TENM2: variants seen among roughly 807,000 people sequenced by gnomAD.
TENM2 encodes the protein teneurin transmembrane protein 2, also known as teneurin-2.
Under a neutral mutation model 245.2 loss-of-function variants are expected in TENM2, and 52 were observed. That is an observed-to-expected ratio of 0.21 (90% CI 0.17 to 0.27). The LOEUF is 0.27. TENM2 is among the 10% of genes least tolerant of loss of function. The pLI is 1.00. For synonymous variants in TENM2, 1,363 were observed against 1,438.9 expected (o/e 0.95, Z 1.19); for missense variants, 3,046 against 3,666.8 (o/e 0.83, Z 4.37).
chr5:167,704,420 C>G (rs1758366806), intron 2 of TENM2, among the ~76,000 whole-genome samples: 1 of 152,146 alleles, frequency 6.6e-6, no homozygotes, highest in South Asian at 2.1e-4. Flanking sequence ...TCATTTAATA[C>G]AAACGCGTAA....
At chr5:167,598,010 C>T (rs1776342813) in intron 2 of TENM2, among the ~76,000 whole-genome samples, 1 of 152,200 alleles carries the variant, frequency 6.6e-6, no homozygotes, top group Non-Finnish European at 1.5e-5. Context: ...CACCCACATT[C>T]CATGAGTTTA....
intron 3 of TENM2, among the ~76,000 whole-genome samples, chr5:167,939,378 G>A (rs1180649555): frequency 1.3e-5 from 2 of 152,144 alleles, no homozygotes; most frequent in African/African-American, 2.4e-5. Flanking sequence ...GCAGTAATGC[G>A]TGTTCACCCT....
At chr5:167,914,526 G>C (rs1362509315) in intron 3 of TENM2, among the ~76,000 whole-genome samples, 3 of 152,136 alleles carry the variant, frequency 2.0e-5, no homozygotes, top group Admixed American at 6.5e-5. Context: ...CTCAACGTCA[G>C]CTGATTGGTC....
chr5:167,872,548 G>GAAAGAAAGAAAGAGAAAGAA (rs1313191288), intron 2 of TENM2, among the ~76,000 whole-genome samples: 16 of 65,460 alleles, frequency 2.4e-4, no homozygotes, highest in Admixed American at 5.5e-4. Flanking sequence ...AAGAAAGAAA[G>GAAAGAAAGAAAGAGAAAGAA]AGAAAGAAAG....
chr5:168,026,847 A>T (rs575095976), intron 5 of TENM2, among the ~76,000 whole-genome samples: 1 of 152,282 alleles, frequency 6.6e-6, no homozygotes, highest in Admixed American at 6.5e-5. Context: ...CACCACAGTG[A>T]ACCAAACAAA....
At chr5:167,509,234 C>A (rs571419870) in intron 2 of TENM2, among the ~76,000 whole-genome samples, 1 of 152,296 alleles carries the variant, frequency 6.6e-6, no homozygotes, top group East Asian at 1.9e-4. Flanking sequence ...GTGTAAGCTC[C>A]ATTGACTGTA....
At chr5:167,376,942 C>A (rs1289863657) in intron 2 of TENM2, among the ~76,000 whole-genome samples, 2 of 152,098 alleles carry the variant, frequency 1.3e-5, no homozygotes. Flanking sequence ...GAATTTATGG[C>A]ACATTTTAAA....
intron 2 of TENM2, among the ~76,000 whole-genome samples, chr5:167,780,488 G>T (rs1235008242): frequency 6.6e-6 from 1 of 152,072 alleles, no homozygotes; most frequent in African/African-American, 2.4e-5. Context: ...TGTACTTTTT[G>T]TTGGTGATTT....
chr5:168,222,159 T>C (rs1343372286), intron 23 of TENM2, among the ~76,000 whole-genome samples: 1 of 152,174 alleles, frequency 6.6e-6, no homozygotes, highest in African/African-American at 2.4e-5. Flanking sequence ...AGAGACTTAT[T>C]TTGGAAAAGC....
chr5:167,209,084 A>ATTGGGG, the TENM2 span, among the ~76,000 whole-genome samples: 1 of 152,162 alleles, frequency 6.6e-6, no homozygotes, highest in Non-Finnish European at 1.5e-5. Flanking sequence ...TATAAGTCAC[A>ATTGGGG]CCATGTTGGC....
intron 1 of TENM2, among the ~76,000 whole-genome samples, chr5:167,323,584 G>C (rs982293949): frequency 1.1e-4 from 17 of 152,052 alleles, no homozygotes; most frequent in African/African-American, 4.1e-4. Flanking sequence ...AAAATTGCAT[G>C]TGCTAATTTT....
intron 1 of TENM2, among the ~76,000 whole-genome samples, chr5:167,300,422 G>A (rs1282429572): frequency 1.3e-5 from 2 of 152,260 alleles, no homozygotes; most frequent in East Asian, 1.9e-4. Flanking sequence ...ATTGAGGATA[G>A]GAGAGTATAT....
intron 6 of TENM2, among the ~76,000 whole-genome samples, chr5:168,054,777 T>C (rs1789399080): frequency 6.6e-6 from 1 of 152,234 alleles, no homozygotes; most frequent in Admixed American, 6.5e-5. Flanking sequence ...TAGGTAATAG[T>C]TTCACATTTA....
At chr5:167,133,646 T>C in the TENM2 span, among the ~76,000 whole-genome samples, 1 of 138,850 alleles carries the variant, frequency 7.2e-6, no homozygotes, top group Admixed American at 7.2e-5. Context: ...CAAAAAAGAA[T>C]GGGCTGGCTA....
chr5:167,858,558 C>T (rs1583202586), intron 2 of TENM2, among the ~76,000 whole-genome samples: 1 of 152,100 alleles, frequency 6.6e-6, no homozygotes, highest in African/African-American at 2.4e-5. Context: ...CTCGAAGGCG[C>T]CGCGGGCTGG....
chr5:167,809,789 C>T (rs562905786), intron 2 of TENM2, among the ~76,000 whole-genome samples: 4 of 151,902 alleles, frequency 2.6e-5, no homozygotes, highest in Non-Finnish European at 4.4e-5. Context: ...CATTGAAATG[C>T]GATCTTTATA....
intron 2 of TENM2, among the ~76,000 whole-genome samples, chr5:167,482,744 C>T (rs1010333644): frequency 6.6e-6 from 1 of 152,164 alleles, no homozygotes; most frequent in Non-Finnish European, 1.5e-5. Flanking sequence ...AGTCATTAAG[C>T]TCTGGAAATT....
chr5:168,199,263 AAAG>A, intron 16 of TENM2, 149 bp downstream of exon 18: 2 of 862,686 alleles, frequency 2.3e-6, no homozygotes, highest in Non-Finnish European at 3.5e-6. Flanking sequence ...ACCAGAGATG[AAAG>A]TTTGAATCCC....
At chr5:167,928,895 CAAAAA>C (rs767167658) in intron 3 of TENM2, among the ~76,000 whole-genome samples, 1 of 21,590 alleles carries the variant, frequency 4.6e-5, no homozygotes, top group African/African-American at 1.9e-4. Context: ...GACCCTGGCT[CAAAAA>C]AAAAAAAAAA....
Sources: allele counts gnomAD v4.1 joint callset (sites outside exome capture counted in the v4.1 genomes callset), GRCh38; gene constraint gnomAD v4.1.1; transcripts MANE v1.5; gene names NCBI Gene and HGNC (gene_info 2026-07-23, HGNC 2026-07-21).